Variants in ABCA4 observed in about 807,000 individuals in gnomAD.
The protein encoded by ABCA4 is retinal-specific phospholipid-transporting ATPase ABCA4.
Under a neutral mutation model 263.7 loss-of-function variants are expected in ABCA4, and 196 were observed. The observed-to-expected ratio is 0.74, with a 90% confidence interval of 0.66 to 0.84. ABCA4 has a LOEUF of 0.84. Ranked by LOEUF, ABCA4 falls within the 40% of genes least tolerant of loss-of-function variation. ABCA4 has a pLI of 0.00. For missense variants in ABCA4, 2,792 were observed against 2,855.1 expected (o/e 0.98, Z 0.50); for synonymous variants, 1,133 against 1,094.2 (o/e 1.04, Z -0.70).
intron 22 of ABCA4, 127 bp downstream of exon 22, chr1:94,042,634 A>G (rs1660523241): frequency 7.5e-7 from 1 of 1,327,314 alleles, no homozygotes; most frequent in Non-Finnish European, 1.1e-6. Context: ...AGTCACTGAT[A>G]AACCCCCTTC....
chr1:94,091,640 A>G (rs1661971287), intron 6 of ABCA4, among the ~76,000 whole-genome samples: 1 of 151,426 alleles, frequency 6.6e-6, no homozygotes. Context: ...TTCCTATGCC[A>G]AATAAGTTCT....
At position 94,036,741 on chromosome 1, in the gene ABCA4, C is replaced by T. The variant is rs768475253; in HGVS notation, c.3861G>A (p.Ala1287=). The change falls in exon 26 of 50, where the codon GCG becomes GCA. Residue 1287 remains alanine (A), a splice_region_variant and synonymous_variant. Coordinates refer to ENST00000370225, the MANE Select transcript of ABCA4 (RefSeq NM_000350.3). ...AAGCCACTGGCTCCAGCACCATACC[C>T]GCAAACAGAGGTCCTGAATCAGAAT... is the stretch of plus-strand genomic sequence containing the variant. The part of the protein sequence containing the change: ...TEDSDSGPLF[A]GGAQQKRENV... 24 of 1,614,054 alleles carry T rather than the reference C, an allele frequency of 1.5e-5. No individual in the cohort carries two copies. Among genetic ancestry groups the T allele is most frequent in the East Asian group, 8.9e-5 (4 of 44,880 alleles).
intron 1 of ABCA4, among the ~76,000 whole-genome samples, chr1:94,118,706 G>A (rs766349848): frequency 3.1e-4 from 47 of 152,222 alleles, no homozygotes; most frequent in Non-Finnish European, 6.0e-4. Context: ...GCCCTGGGAG[G>A]TGCCCTGGCC....
intron 5 of ABCA4, among the ~76,000 whole-genome samples, chr1:94,101,318 T>A (rs898472592): frequency 6.6e-5 from 9 of 136,900 alleles, no homozygotes; most frequent in Non-Finnish European, 1.3e-4. Flanking sequence ...GAGCAATCGG[T>A]GCCGACAGCA....
At chr1:94,010,777 C>T (rs1659521166) in intron 40 of ABCA4, 23 bp downstream of exon 40, 2 of 1,613,950 alleles carry the variant, frequency 1.2e-6, no homozygotes, top group South Asian at 1.1e-5. Context: ...TGCCCACTGG[C>T]CCAGGGTGTG....
At chr1:94,005,255 T>C (rs1571245593) in intron 44 of ABCA4, 186 bp downstream of exon 44, 1 of 711,292 alleles carries the variant, frequency 1.4e-6, no homozygotes, top group Non-Finnish European at 2.3e-6. Context: ...TTTGTCTGTC[T>C]TGTTCACTGC....
In ABCA4 at chr1:94,079,249, T is replaced by TCACA. The variant is rs4147886; in HGVS notation, c.1239+69_1239+72dup. On this transcript the variant is annotated intron_variant, in intron 9 of 49. Coordinates refer to ENST00000370225, the MANE Select transcript of ABCA4 (RefSeq NM_000350.3). ...GTGCTACCAGGAAGGCACATCTCTC[T>TCACA]CACACACACACACACACACACACAC... The TCACA allele has an allele frequency of 4.4e-3, 6,223 of 1,422,288 alleles. 2 individuals are homozygous for TCACA. The highest frequency in any genetic ancestry group is 5.5e-3 in the South Asian group (448 of 82,004). 88.1% of individuals were successfully genotyped at this position (1,422,288 alleles called of 1,614,324 possible). A position where few individuals can be genotyped will look rare whatever the true frequency, so the allele number is the denominator to read the frequency against.
In ABCA4 at chr1:94,038,347, C is replaced by T. The variant is rs117494380; in HGVS notation, c.3608-997G>A. On this transcript the variant is annotated intron_variant, in intron 24 of 49. Coordinates refer to ENST00000370225, the MANE Select transcript of ABCA4 (RefSeq NM_000350.3). ...CATGCACTTGAAGAGAGAGTTCTCT[C>T]GCACATTGTCTTGAGAGGCAGGTCA... Among the ~76,000 whole-genome samples the T allele has an allele frequency of 2.5e-3, 374 of 152,286 alleles. 4 individuals are homozygous for T. In the East Asian group the frequency reaches 0.046, roughly 19 times the overall value.
At chr1:94,081,142 G>T (rs545615757) in intron 7 of ABCA4, among the ~76,000 whole-genome samples, 69 of 152,170 alleles carry the variant, frequency 4.5e-4, no homozygotes, top group African/African-American at 1.6e-3. Context: ...GGAGAATGGC[G>T]TGAACCTGGG....
At chr1:94,019,896 A>G in intron 35 of ABCA4, 137 bp from the exon 36 acceptor site, 1 of 890,652 alleles carries the variant, frequency 1.1e-6, no homozygotes, top group African/African-American at 1.7e-5. Flanking sequence ...TCTACCTTGA[A>G]GCTGTCACTC....
At chr1:94,086,865 A>G (rs1224435927) in intron 6 of ABCA4, among the ~76,000 whole-genome samples, 10 of 152,150 alleles carry the variant, frequency 6.6e-5, no homozygotes. Flanking sequence ...AGAATACGAG[A>G]TCAGCACTGT....
chr1:94,101,028 G>A (rs542490380), intron 5 of ABCA4, among the ~76,000 whole-genome samples: 14 of 152,334 alleles, frequency 9.2e-5, no homozygotes, highest in Admixed American at 3.3e-4. Context: ...ATGGCTCAGC[G>A]TTTGCTAATC....
intron 45 of ABCA4, chr1:94,001,432 T>A (rs186760911): frequency 2.0e-6 from 1 of 494,566 alleles, no homozygotes; most frequent in East Asian, 3.9e-5. Flanking sequence ...CTCAGGTCAC[T>A]TCCTTGGTTC....
Position 94,112,986 on chromosome 1 carries a change from G to A in ABCA4, c.147C>T (p.Tyr49=), listed in dbSNP as rs1170875984. ...LIWLRNANPL[Y]SHHECHFPNK... Reference sequence around the variant, plus strand: ...TGCTATGCTTACATTCATGATGGCTGTAGAGTGGGTTGGCATTCCTTAACC... The same window carrying A: ...TGCTATGCTTACATTCATGATGGCTATAGAGTGGGTTGGCATTCCTTAACC... Residue 49 remains tyrosine, a synonymous_variant, in exon 2 of 50, where the codon TAC becomes TAT. Transcript: ENST00000370225. 6.2e-7 allele frequency: 1 copy of A among 1,613,518 alleles called. No individual in the cohort carries two copies. The highest frequency in any genetic ancestry group is 1.7e-5 in the Admixed American group (1 of 60,030).
intron 27 of ABCA4, 99 bp downstream of exon 27, chr1:94,031,679 G>T: frequency 1.3e-6 from 2 of 1,497,692 alleles, no homozygotes; most frequent in Non-Finnish European, 1.8e-6. Flanking sequence ...GGTGCTCCTT[G>T]CTGAGTTATA....
intron 30 of ABCA4, 44 bp from the exon 31 acceptor site, chr1:94,025,092 G>T (rs1373848926): frequency 6.5e-6 from 10 of 1,528,366 alleles, no homozygotes; most frequent in Non-Finnish European, 9.1e-6. Context: ...GGAACTTGAG[G>T]ACTTATAAGT....
intron 26 of ABCA4, among the ~76,000 whole-genome samples, chr1:94,034,721 G>A (rs1304189813): frequency 6.6e-6 from 1 of 151,666 alleles, no homozygotes; most frequent in Non-Finnish European, 1.5e-5. Flanking sequence ...TCCAACCTCT[G>A]TGAGCTCAGT....
At chr1:94,002,045 C>T in intron 44 of ABCA4, 53 bp from the exon 45 acceptor site, 1 of 1,613,474 alleles carries the variant, frequency 6.2e-7, no homozygotes, top group East Asian at 2.2e-5. Flanking sequence ...CACCCCAAAC[C>T]TCCCCCAGTT....
intron 44 of ABCA4, among the ~76,000 whole-genome samples, chr1:94,003,244 A>G (rs1209396388): frequency 6.6e-6 from 1 of 151,700 alleles, no homozygotes; most frequent in Non-Finnish European, 1.5e-5. Flanking sequence ...GATGTAGTCT[A>G]TTGTCTGCTA....
Sources: allele counts gnomAD v4.1 joint callset (sites outside exome capture counted in the v4.1 genomes callset), GRCh38; gene constraint gnomAD v4.1.1; transcripts MANE v1.5; gene names NCBI Gene and HGNC (gene_info 2026-07-23, HGNC 2026-07-21).